CAST: variants seen among roughly 807,000 people sequenced by gnomAD.
CAST encodes MIR583 host.
In CAST, 76 loss-of-function variants were observed where a neutral mutation model predicts 119.6. That is an observed-to-expected ratio of 0.64 (90% CI 0.53 to 0.77). The LOEUF (loss-of-function observed/expected upper bound fraction) is 0.77, where lower values mean the gene tolerates loss of function less well. CAST is among the 30% of genes least tolerant of loss of function. CAST has a pLI of 0.00. For synonymous variants in CAST, 319 were observed against 331.6 expected, an observed-to-expected ratio of 0.96 and a Z score of 0.41; for missense variants, 953 against 946.5, an observed-to-expected ratio of 1.01 and a Z score of -0.09.
chr5:96,065,387 T>C, the CAST span, among the ~76,000 whole-genome samples: 1 of 148,456 alleles, frequency 6.7e-6, no homozygotes, highest in African/African-American at 2.5e-5. Flanking sequence ...TTATATCCTA[T>C]GGTGGTTAAT....
chr5:96,621,129 G>A (rs1280632092), intron 1 of CAST, among the ~76,000 whole-genome samples: 2 of 152,106 alleles, frequency 1.3e-5, no homozygotes, highest in African/African-American at 4.8e-5. Context: ...AGTGTCGTTT[G>A]TACTTGGAGT....
chr5:96,446,781 C>T, the CAST span, among the ~76,000 whole-genome samples: 5 of 152,138 alleles, frequency 3.3e-5, no homozygotes, highest in Admixed American at 6.5e-5. Flanking sequence ...GTCAGGCTGC[C>T]GTATCCTAGA....
At chr5:96,460,830 A>G in the CAST span, among the ~76,000 whole-genome samples, 1 of 152,146 alleles carries the variant, frequency 6.6e-6, no homozygotes, top group East Asian at 1.9e-4. Flanking sequence ...TATAAACTGC[A>G]AGTCCATCGA....
chr5:96,743,647 G>A (rs745713358), intron 16 of CAST: 14 of 1,612,942 alleles, frequency 8.7e-6, no homozygotes, highest in South Asian at 7.7e-5. Flanking sequence ...TTCTATCTTC[G>A]ACTTTCTTGG....
At chr5:95,977,865 A>G in the CAST span, among the ~76,000 whole-genome samples, 8 of 152,092 alleles carry the variant, frequency 5.3e-5, no homozygotes, top group Non-Finnish European at 1.2e-4. Flanking sequence ...ATGTGTTCTC[A>G]TCATTTAGCT....
At chr5:96,645,632 T>C (rs1037443074) in intron 1 of CAST, among the ~76,000 whole-genome samples, 1 of 152,220 alleles carries the variant, frequency 6.6e-6, no homozygotes, top group Middle Eastern at 3.4e-3. Flanking sequence ...TAAGATAATA[T>C]GACTGTTGCT....
At chr5:96,149,511 A>G in the CAST span, among the ~76,000 whole-genome samples, 3 of 152,210 alleles carry the variant, frequency 2.0e-5, no homozygotes, top group African/African-American at 7.2e-5. Context: ...CCTCATTGAA[A>G]TGCAGTGGTG....
the CAST span, among the ~76,000 whole-genome samples, chr5:96,146,163 A>G: frequency 6.6e-6 from 1 of 152,256 alleles, no homozygotes; most frequent in Non-Finnish European, 1.5e-5. Context: ...TGATCTATAT[A>G]GCAAGGCTAT....
chr5:96,673,681 T>A (rs1392408531), intron 1 of CAST, among the ~76,000 whole-genome samples: 1 of 152,220 alleles, frequency 6.6e-6, no homozygotes, highest in Non-Finnish European at 1.5e-5. Flanking sequence ...TTAACAGAGA[T>A]AAGTAATATT....
chr5:96,599,975 A>AAAAAAAGAAAAAAG (rs1554070029), intron 1 of CAST, among the ~76,000 whole-genome samples: 1 of 140,508 alleles, frequency 7.1e-6, no homozygotes, highest in African/African-American at 2.8e-5. Context: ...GCAAAAAAAA[A>AAAAAAAGAAAAAAG]AAAAAAAACC....
chr5:96,435,076 C>A, the CAST span, among the ~76,000 whole-genome samples: 1 of 152,158 alleles, frequency 6.6e-6, no homozygotes, highest in Admixed American at 6.5e-5. Flanking sequence ...CTCAAGCTCT[C>A]AAGGGTGTTT....
intron 2 of CAST, among the ~76,000 whole-genome samples, chr5:96,677,364 C>T (rs1750838335): frequency 6.6e-6 from 1 of 152,120 alleles, no homozygotes; most frequent in Admixed American, 6.5e-5. Flanking sequence ...AATATTACAC[C>T]TTGGATGTAC....
chr5:96,754,610 GGA>G (rs1765878410), intron 21 of CAST, 46 bp from the exon 22 acceptor site: 1 of 1,117,856 alleles, frequency 8.9e-7, no homozygotes, highest in Non-Finnish European at 1.3e-6. Flanking sequence ...TGAATTTTAT[GGA>G]GAGAAAAAAA....
chr5:96,205,513 G>C, the CAST span, among the ~76,000 whole-genome samples: 1 of 152,048 alleles, frequency 6.6e-6, no homozygotes, highest in East Asian at 1.9e-4. Flanking sequence ...TCCCTTCTTT[G>C]TGTCTGTGTT....
the CAST span, among the ~76,000 whole-genome samples, chr5:96,374,791 G>T: frequency 6.6e-6 from 1 of 152,178 alleles, no homozygotes; most frequent in African/African-American, 2.4e-5. Flanking sequence ...TGGCCACAGA[G>T]AGATAGATTT....
chr5:96,191,540 A>T, the CAST span, among the ~76,000 whole-genome samples: 5 of 152,212 alleles, frequency 3.3e-5, no homozygotes, highest in African/African-American at 1.2e-4. Flanking sequence ...TCTCTGCTAC[A>T]TTGCTTCCCA....
chr5:95,961,999 T>C, the CAST span: 1 of 416,866 alleles, frequency 2.4e-6, no homozygotes, highest in Non-Finnish European at 4.2e-6. Context: ...GGGCCCAAAG[T>C]CACTAGAGTT....
At chr5:96,382,270 A>G in the CAST span, among the ~76,000 whole-genome samples, 1 of 152,126 alleles carries the variant, frequency 6.6e-6, no homozygotes, top group African/African-American at 2.4e-5. Context: ...CATCTTCACC[A>G]CTTATTAGCT....
At chr5:96,452,794 CA>C in the CAST span, among the ~76,000 whole-genome samples, 1 of 142,342 alleles carries the variant, frequency 7.0e-6, no homozygotes, top group East Asian at 2.0e-4. Flanking sequence ...ACTAAAAATA[CA>C]AAAAATTAGC....
Sources: allele counts gnomAD v4.1 joint callset (sites outside exome capture counted in the v4.1 genomes callset), GRCh38; gene constraint gnomAD v4.1.1; transcripts MANE v1.5; gene names NCBI Gene and HGNC (gene_info 2026-07-23, HGNC 2026-07-21).